The following LAMP2 variants were observed in gnomAD, a reference collection of about 807,000 sequenced individuals.
LAMP2 encodes the protein lysosome-associated membrane glycoprotein 2.
Under a neutral mutation model 25.6 loss-of-function variants are expected in LAMP2, and 4 were observed. That is an observed-to-expected ratio of 0.16 (90% CI 0.08 to 0.36). LAMP2 has a LOEUF of 0.36. Among genes scored for constraint, LAMP2 ranks in the 10% least tolerant of loss-of-function variants. The pLI is 1.00. For synonymous variants in LAMP2, 108 were observed against 112.7 expected (o/e 0.96, Z 0.27); for missense variants, 272 against 301.4 (o/e 0.90, Z 0.72).
chrX:120,446,340 T>C lies in LAMP2; in HGVS notation c.829A>G (p.Ser277Gly). The C allele has an allele frequency of 8.3e-7, 1 of 1,204,098 alleles. No individual in the cohort carries two copies. Among genetic ancestry groups the C allele is most frequent in the Non-Finnish European group, 1.1e-6 (1 of 888,487 alleles). ...ACAAAGTCTAGATACTTAATGGTGC[T>C]GCTATTGAGTCTAAGTAGAGCAGTG... Reference protein sequence around the residue: ...SHTALLRLNSSTIKYLDFVFA... With the variant: ...SHTALLRLNSGTIKYLDFVFA... Residue 277 changes from serine to glycine, a missense_variant, in exon 6 of 9, where the codon AGC becomes GGC. Ser to Gly is a moderately conservative substitution (Grantham distance 56, BLOSUM62 0). Transcript: ENST00000200639.
At position 120,442,607 on chromosome X, in the gene LAMP2, T is replaced by C. The variant is rs749064700; in HGVS notation, c.920A>G (p.Asn307Ser). The C allele has an allele frequency of 8.3e-6, 10 of 1,205,791 alleles. No individual in the cohort carries two copies. Among genetic ancestry groups the C allele is most frequent in the East Asian group, 3.0e-5 (1 of 33,778 alleles). Residue 307 changes from asparagine (N) to serine (S), a missense_variant, in exon 7 of 9, where the codon AAT becomes AGT. Coordinates refer to ENST00000200639, the MANE Select transcript of LAMP2 (RefSeq NM_002294.3). Reference protein sequence around the residue: ...KEVNISMYLVNGSVFSIANNN... With the variant: ...KEVNISMYLVSGSVFSIANNN... ...GCCAGTGCTTTGCTTACCGGAGCCA[T>C]TAACCAAATACATGCTGATGTTCAC...
At chrX:120,432,918 GAA>G (rs2058528673) in intron 8 of LAMP2, among the ~76,000 whole-genome samples, 2 of 87,432 alleles carry the variant, frequency 2.3e-5, no homozygotes, top group East Asian at 7.3e-4. Context: ...AGCATATCGA[GAA>G]CCCATCTCAA....
At chrX:120,458,499 A>C (rs1455631860) in intron 1 of LAMP2, among the ~76,000 whole-genome samples, 1 of 111,524 alleles carries the variant, frequency 9.0e-6, no homozygotes, top group East Asian at 2.8e-4. Flanking sequence ...GTGGCCCGTA[A>C]ACAAGAGCTG....
chrX:120,468,321 G>A (rs886734264), intron 1 of LAMP2, among the ~76,000 whole-genome samples: 2 of 110,652 alleles, frequency 1.8e-5, no homozygotes, highest in Non-Finnish European at 3.8e-5. Flanking sequence ...TAGCAAAACT[G>A]GGAGAAAATC....
At chrX:120,469,321 T>C (rs775484817), upstream of LAMP2, 72 of 524,954 alleles carry the variant, frequency 1.4e-4, no homozygotes, top group East Asian at 2.6e-3. Context: ...TCAGTGCGAG[T>C]CATAAGACTA....
chrX:120,457,396 A>C (rs1286817488), intron 1 of LAMP2, among the ~76,000 whole-genome samples: 4 of 112,348 alleles, frequency 3.6e-5, no homozygotes, highest in Non-Finnish European at 7.5e-5. Flanking sequence ...TCTATCATGT[A>C]ACCAAGGAAG....
At chrX:120,449,705 C>T (rs1392126955) in intron 3 of LAMP2, among the ~76,000 whole-genome samples, 2 of 112,541 alleles carry the variant, frequency 1.8e-5, no homozygotes, top group Admixed American at 9.4e-5. Flanking sequence ...GAAGCATCTT[C>T]TATGATCTAA....
At chrX:120,436,272 G>A (rs768567353) in intron 8 of LAMP2, among the ~76,000 whole-genome samples, 1 of 109,809 alleles carries the variant, frequency 9.1e-6, no homozygotes, top group East Asian at 2.9e-4. Context: ...TTTATAAAAC[G>A]CTTCCCAGGT....
intron 1 of LAMP2, 84 bp from the exon 2 acceptor site, chrX:120,456,853 G>A: frequency 2.0e-6 from 1 of 503,823 alleles, no homozygotes; most frequent in Non-Finnish European, 3.4e-6. Context: ...CACCACTGAA[G>A]TTCAACCAGC....
intron 1 of LAMP2, among the ~76,000 whole-genome samples, chrX:120,460,328 T>G (rs1297800602): frequency 9.1e-6 from 1 of 110,494 alleles, no homozygotes; most frequent in Non-Finnish European, 1.9e-5. Context: ...CTTGCTGTCT[T>G]CAGGGTGGTA....
Position 120,447,869 on chromosome X carries a change from C to A in LAMP2, c.713G>T (p.Gly238Val), listed in dbSNP as rs1353201173. ...GNDTCLLATMGLQLNITQDKV... is the reference protein window; with the variant it reads ...GNDTCLLATMVLQLNITQDKV... Reference sequence around the variant, plus strand: ...ATCCTGAGTGATGTTCAGCTGCAGCCCCATGGTAGCCAGCAGACAAGTATC... The same window carrying A: ...ATCCTGAGTGATGTTCAGCTGCAGCACCATGGTAGCCAGCAGACAAGTATC... The change falls in exon 5 of 9, where the codon GGG becomes GTG. Residue 238 changes from glycine to valine, a missense_variant. By Grantham distance (109) the Gly-to-Val change is moderately radical (BLOSUM62 -3). Coordinates refer to ENST00000200639, the MANE Select transcript of LAMP2 (RefSeq NM_002294.3). The A allele has an allele frequency of 8.3e-7, 1 of 1,210,709 alleles. No homozygotes were observed. The highest frequency in any genetic ancestry group is 1.1e-6 in the Non-Finnish European group (1 of 894,747).
Position 120,428,953 on chromosome X carries a change from G to T in LAMP2, c.*2370C>A, listed in dbSNP as rs539545568. 4.1e-6 allele frequency: 3 copies of T among 729,199 alleles called. No individual in the cohort carries two copies. The South Asian group carries it at 2.1e-4, about 52-fold the overall frequency. The allele number at this position is 729,199 out of a possible 1,213,427, so 60.1% of individuals were successfully genotyped here. A position where few individuals can be genotyped will look rare whatever the true frequency, so the allele number is the denominator to read the frequency against. ...TCATCTACACTTAAAACCACTGCCTGTGTATTTCCCTACTCTCTTTCTCTT... is the reference window on the plus strand; with the variant it reads ...TCATCTACACTTAAAACCACTGCCTTTGTATTTCCCTACTCTCTTTCTCTT... On this transcript the variant is annotated 3_prime_UTR_variant, in exon 9 of 9. Transcript: ENST00000200639.
At chrX:120,466,040 G>A (rs1341680375) in intron 1 of LAMP2, among the ~76,000 whole-genome samples, 2 of 111,220 alleles carry the variant, frequency 1.8e-5, no homozygotes, top group African/African-American at 3.3e-5. Flanking sequence ...ATCAGATCTA[G>A]GTACATTATT....
chrX:120,463,823 G>T (rs1411060562), intron 1 of LAMP2, among the ~76,000 whole-genome samples: 2 of 106,518 alleles, frequency 1.9e-5, no homozygotes, highest in Non-Finnish European at 3.8e-5. Flanking sequence ...GGACATATTT[G>T]AATATCTATA....
At chrX:120,469,328 A>G (rs1816600965), upstream of LAMP2, 4 of 501,008 alleles carry the variant, frequency 8.0e-6, no homozygotes, top group South Asian at 8.9e-5. Context: ...GAGTCATAAG[A>G]CTAGGGGCGG....
chrX:120,461,538 T>C (rs1921312970), intron 1 of LAMP2, among the ~76,000 whole-genome samples: 1 of 89,922 alleles, frequency 1.1e-5, no homozygotes, highest in Admixed American at 1.1e-4. Flanking sequence ...AGATTCAAGA[T>C]TCCCTTTAGA....
In LAMP2 at chrX:120,437,382, C is replaced by G. The variant is rs112151652; in HGVS notation, c.1093+4348G>C. The G allele has an allele frequency of 9.4e-4, 688 of 730,355 alleles. 5 individuals carry two copies. The African/African-American group carries it at 0.016, about 17-fold the overall frequency. The allele number at this position is 730,355 out of a possible 1,213,427, so 60.2% of individuals were successfully genotyped here. A position where few individuals can be genotyped will look rare whatever the true frequency, so the allele number is the denominator to read the frequency against. On this transcript the variant is annotated intron_variant, in intron 8 of 8. Coordinates refer to ENST00000200639, the MANE Select transcript of LAMP2 (RefSeq NM_002294.3). The stretch of plus-strand genomic sequence containing the variant: ...GGAACCCAGACAATTTTCTCATTTT[C>G]TAGTGAATGGGAGGCACATAATCCC...
intron 3 of LAMP2, among the ~76,000 whole-genome samples, chrX:120,450,942 T>C (rs1218179602): frequency 1.8e-5 from 2 of 110,100 alleles, no homozygotes; most frequent in African/African-American, 6.6e-5. Flanking sequence ...TATAATTTTT[T>C]TTTGAGATGG....
intron 3 of LAMP2, among the ~76,000 whole-genome samples, chrX:120,452,911 T>C (rs1355901984): frequency 2.7e-5 from 3 of 110,230 alleles, no homozygotes; most frequent in Non-Finnish European, 5.7e-5. Flanking sequence ...CTATGTTCCA[T>C]ATGCAAAGTT....
Sources: gnomAD v4.1 joint callset for allele counts (sites outside exome capture counted in the v4.1 genomes callset) on GRCh38, gnomAD v4.1.1 for gene constraint, MANE v1.5 for transcripts, NCBI Gene and HGNC (gene_info 2026-07-23, HGNC 2026-07-21) for gene names.